Variants in CC2D2B observed in about 807,000 individuals in gnomAD.
CC2D2B encodes the protein protein CC2D2B.
A neutral mutation model predicts 161.2 loss-of-function variants in CC2D2B; 128 were observed. The ratio of observed to expected loss-of-function variants is 0.79; its 90% CI spans 0.69 to 0.92. The LOEUF (loss-of-function observed/expected upper bound fraction) is 0.92. CC2D2B is among the 40% of genes least tolerant of loss of function. The probability of loss-of-function intolerance (pLI) is 0.00; values close to 1 mark genes in which losing one functional copy is unlikely to be tolerated. For synonymous variants in CC2D2B, 391 were observed against 449.8 expected, an observed-to-expected ratio of 0.87 and a Z score of 1.65; for missense variants, 1,173 against 1,375.1, an observed-to-expected ratio of 0.85 and a Z score of 2.32.
chr10:95,995,081 T>C (rs2078179328), intron 22 of CC2D2B, among the ~76,000 whole-genome samples, 188 bp from the exon 23 acceptor site: 1 of 152,224 alleles, frequency 6.6e-6, no homozygotes, highest in Admixed American at 6.5e-5. Flanking sequence ...GGAGTTGCGC[T>C]TCCAGAGTAG....
At chr10:95,965,023 G>A (rs1564623885) in intron 12 of CC2D2B, among the ~76,000 whole-genome samples, 1 of 152,082 alleles carries the variant, frequency 6.6e-6, no homozygotes, top group Non-Finnish European at 1.5e-5. Context: ...TAACTCTGTA[G>A]TTAACATTTT....
chr10:95,994,836 A>G (rs1260235494), intron 22 of CC2D2B, among the ~76,000 whole-genome samples: 1 of 152,248 alleles, frequency 6.6e-6, no homozygotes, highest in Non-Finnish European at 1.5e-5. Context: ...GATAATGTCC[A>G]TGATCATCTC....
intron 34 of CC2D2B, among the ~76,000 whole-genome samples, chr10:96,030,614 T>C (rs923693173): frequency 4.6e-5 from 7 of 152,162 alleles, no homozygotes; most frequent in African/African-American, 1.7e-4. Flanking sequence ...TTATAAACAA[T>C]AGAAATTTAT....
chr10:96,029,034 G>A (rs1393760628), intron 34 of CC2D2B, among the ~76,000 whole-genome samples: 6 of 151,560 alleles, frequency 4.0e-5, no homozygotes, highest in Admixed American at 3.3e-4. Context: ...AAAATAGAAT[G>A]AATAAGACCT....
chr10:95,966,404 G>A, intron 14 of CC2D2B, 102 bp downstream of exon 14: 1 of 394,660 alleles, frequency 2.5e-6, no homozygotes, highest in Non-Finnish European at 4.3e-6. Flanking sequence ...CATATGCCAG[G>A]CACTCTAAGT....
chr10:95,982,799 C>A (rs116309257), intron 18 of CC2D2B, among the ~76,000 whole-genome samples: 6,019 of 151,974 alleles, frequency 0.04, 220 homozygotes, highest in African/African-American at 0.091. Context: ...TTTAGATGGA[C>A]TCTCGTTCTG....
chr10:95,994,752 T>C (rs1457142185), intron 22 of CC2D2B, among the ~76,000 whole-genome samples: 5 of 152,234 alleles, frequency 3.3e-5, no homozygotes, highest in Non-Finnish European at 7.3e-5. Flanking sequence ...CCGCCGGTCA[T>C]TCCTTGGTTA....
chr10:95,979,664 G>A (rs1205736339), intron 17 of CC2D2B, among the ~76,000 whole-genome samples: 1 of 152,112 alleles, frequency 6.6e-6, no homozygotes, highest in African/African-American at 2.4e-5. Context: ...TCACAGGAAT[G>A]TTTATCTTAG....
At position 96,012,713 on chromosome 10, in the gene CC2D2B, A is replaced by G. The variant is rs918838366; in HGVS notation, c.3410A>G (p.Asn1137Ser). 3.2e-6 allele frequency: 5 copies of G among 1,583,218 alleles called. No individual in the cohort carries two copies. Among genetic ancestry groups the G allele is most frequent in the Non-Finnish European group, 4.3e-6 (5 of 1,152,252 alleles). ...CAACTTCTGGATATATTTCTTCACA[A>G]TTCTAATGCAACATTTGTAAGTTAT... ...PQQLLDIFLH[N>S]SNATFDLIAR... is the part of the protein sequence containing the mutation. The change falls in exon 28 of 35, where the codon AAT (asparagine) becomes AGT (serine). Residue 1137 changes from asparagine to serine, a missense_variant. This residue lies in a region of CC2D2B where 598 missense variants were observed against 693.2 expected (regional missense o/e 0.86). Transcript: ENST00000646931.
At chr10:95,991,010 T>C (rs1564646198) in intron 20 of CC2D2B, among the ~76,000 whole-genome samples, 2 of 152,214 alleles carry the variant, frequency 1.3e-5, no homozygotes, top group Non-Finnish European at 2.9e-5. Context: ...CCATTACTAG[T>C]GGCTATTGTA....
intron 17 of CC2D2B, among the ~76,000 whole-genome samples, chr10:95,975,823 A>T (rs1005002026): frequency 6.6e-6 from 1 of 152,242 alleles, no homozygotes; most frequent in African/African-American, 2.4e-5. Context: ...CAAATCTTAC[A>T]GTTATTAAAG....
intron 11 of CC2D2B, among the ~76,000 whole-genome samples, chr10:95,958,651 GAAGA>G (rs527875992): frequency 1.3e-5 from 2 of 152,210 alleles, no homozygotes; most frequent in South Asian, 4.1e-4. Flanking sequence ...ACAGCAGGCA[GAAGA>G]AAGAATTAGT....
intron 9 of CC2D2B, among the ~76,000 whole-genome samples, chr10:95,944,467 G>A (rs377239896): frequency 1.3e-3 from 200 of 152,290 alleles, no homozygotes; most frequent in Non-Finnish European, 1.8e-3. Flanking sequence ...TTGATATTAT[G>A]TGGCATAATT....
chr10:96,019,577 A>T, intron 31 of CC2D2B, 125 bp from the exon 32 acceptor site: 1 of 1,006,182 alleles, frequency 9.9e-7, no homozygotes, highest in East Asian at 2.5e-5. Flanking sequence ...CTCCTGCCTC[A>T]GAACCCCGCT....
chr10:95,933,382 G>A (rs1334377583), intron 6 of CC2D2B, among the ~76,000 whole-genome samples: 4 of 151,988 alleles, frequency 2.6e-5, no homozygotes. Context: ...GCCTACTTCT[G>A]TCAATTCATC....
Position 96,012,337 on chromosome 10 carries a change from A to G in CC2D2B, c.3198A>G (p.Ser1066=), listed in dbSNP as rs1414160853. 1 of 702,330 alleles carries G rather than the reference A, an allele frequency of 1.4e-6. No individual in the cohort carries two copies. Among genetic ancestry groups the G allele is most frequent in the Non-Finnish European group, 2.6e-6 (1 of 381,520 alleles). 43.5% of individuals were successfully genotyped at this position (702,330 alleles called of 1,614,324 possible). A position where few individuals can be genotyped will look rare whatever the true frequency, so the allele number is the denominator to read the frequency against. ...NIFATIEPQI[S]YVTCNPTLDK... ...TTGCTACCATTGAACCTCAAATATC[A>G]TATGTCACCTGTAATCCAACACTAG... is the stretch of plus-strand genomic sequence containing the variant. Residue 1066 remains serine, a synonymous_variant, in exon 27 of 35, where the codon TCA becomes TCG. Transcript: ENST00000646931.
chr10:95,913,142 A>G lies in CC2D2B; in HGVS notation c.36+1783A>G, dbSNP rs1051879894. The stretch of plus-strand genomic sequence containing the variant: ...TTCCCAGTCTCTGGAAACCATCATT[A>G]TACTCTCTATTTCCGTGAGTTCAAT... On this transcript the variant is annotated intron_variant, in intron 2 of 34. Transcript: ENST00000646931. 6.1e-5 allele frequency among the ~76,000 whole-genome samples: 9 copies of G among 148,452 alleles called. No individual in the cohort carries two copies. In the Admixed American group the frequency reaches 6.1e-4, roughly 10 times the overall value.
chr10:95,963,235 C>A (rs957847691), intron 12 of CC2D2B, among the ~76,000 whole-genome samples: 1 of 152,144 alleles, frequency 6.6e-6, no homozygotes, highest in Non-Finnish European at 1.5e-5. Flanking sequence ...ATTGGAGAAG[C>A]TATCTGTTTG....
intron 28 of CC2D2B, 83 bp downstream of exon 28, chr10:96,012,812 T>G: frequency 1.2e-6 from 1 of 835,778 alleles, no homozygotes; most frequent in Non-Finnish European, 2.0e-6. Flanking sequence ...TGTATTTGGG[T>G]TCAATCTAGT....
Sources: allele counts gnomAD v4.1 joint callset (sites outside exome capture counted in the v4.1 genomes callset), GRCh38; gene constraint gnomAD v4.1.1; regional missense constraint gnomAD v4.1.1; transcripts MANE v1.5; gene names NCBI Gene and HGNC (gene_info 2026-07-23, HGNC 2026-07-21).